The following GPC4 variants were observed in gnomAD, a reference collection of about 807,000 sequenced individuals.
GPC4 encodes glypican-4.
In GPC4, 10 loss-of-function variants were observed where a neutral mutation model predicts 35.0. The observed-to-expected ratio is 0.29, with a 90% confidence interval of 0.18 to 0.48. The LOEUF is 0.48. Among genes scored for constraint, GPC4 ranks in the 20% least tolerant of loss-of-function variants. The pLI is 0.99. For missense variants in GPC4, 322 were observed against 451.3 expected, an observed-to-expected ratio of 0.71 and a Z score of 2.60; for synonymous variants, 167 against 170.2, an observed-to-expected ratio of 0.98 and a Z score of 0.15.
chrX:133,301,153 G>T lies in GPC4; in HGVS notation c.*1714C>A. On this transcript the variant is annotated 3_prime_UTR_variant, in exon 9 of 9. Transcript: ENST00000370828. The stretch of plus-strand genomic sequence containing the variant: ...CATTTTGACCACTCTGCAGAATTTG[G>T]TGTAAAAAGTTGAATGAAATGTAGA... 8.9e-6 allele frequency: 1 copy of T among 112,346 alleles called. No homozygotes were observed. The highest frequency in any genetic ancestry group is 2.8e-4 in the East Asian group (1 of 3,596). 9.3% of individuals were successfully genotyped at this position (112,346 alleles called of 1,213,427 possible).
At chrX:133,414,745 T>G (rs758274286) in intron 1 of GPC4, 61 bp downstream of exon 1, 1 of 1,158,312 alleles carries the variant, frequency 8.6e-7, no homozygotes. Context: ...GGGAAGGGAG[T>G]TGCAGCCTCC....
intron 1 of GPC4, among the ~76,000 whole-genome samples, chrX:133,395,363 C>T (rs1257043952): frequency 2.7e-5 from 3 of 111,411 alleles, no homozygotes; most frequent in African/African-American, 9.8e-5. Flanking sequence ...TGGCTCACGC[C>T]TGTAATCTCA....
intron 4 of GPC4, among the ~76,000 whole-genome samples, chrX:133,307,286 C>A (rs2068294720): frequency 8.9e-6 from 1 of 111,934 alleles, no homozygotes; most frequent in African/African-American, 3.2e-5. Context: ...GAGCTTCTAT[C>A]TAAGCTTTCT....
intron 1 of GPC4, among the ~76,000 whole-genome samples, chrX:133,384,379 G>A (rs2068678422): frequency 9.0e-6 from 1 of 110,606 alleles, no homozygotes; most frequent in Non-Finnish European, 1.9e-5. Context: ...AAAAAAAGTT[G>A]TTTCCCCTGA....
rs766777711 is a variant in GPC4, at chrX:133,404,546, C to CAAAAAAAAAAAAAAAAAAAA, written c.160+10259_160+10260insTTTTTTTTTTTTTTTTTTTT. 8.0e-5 allele frequency among the ~76,000 whole-genome samples: 3 copies of CAAAAAAAAAAAAAAAAAAAA among 37,376 alleles called. 1 individual carries two copies. Among genetic ancestry groups the CAAAAAAAAAAAAAAAAAAAA allele is most frequent in the Non-Finnish European group, 8.3e-5 (2 of 24,241 alleles). 32.5% of individuals were successfully genotyped at this position (37,376 alleles called of 115,157 possible). Reference sequence around the variant, plus strand: ...TGGGCAATAGAGCAAGACTCTGCCTCAAAAAAAAAAAAAAAAAAAGAAGGT... The same window carrying CAAAAAAAAAAAAAAAAAAAA: ...TGGGCAATAGAGCAAGACTCTGCCTCAAAAAAAAAAAAAAAAAAAAAAAAAAAAAAAAAAAAAAAGAAGGT... On this transcript the variant is annotated intron_variant, in intron 1 of 8. Transcript: ENST00000370828.
At chrX:133,364,147 T>G (rs2068580545) in intron 1 of GPC4, among the ~76,000 whole-genome samples, 1 of 112,115 alleles carries the variant, frequency 8.9e-6, no homozygotes, top group African/African-American at 3.2e-5. Flanking sequence ...GCTACCAACA[T>G]GTCTATATTA....
rs747604482 is a variant in GPC4 at position 133,303,076 on chromosome X, TA to T, written c.1469-8del. The T allele has an allele frequency of 5.4e-5, 64 of 1,191,193 alleles. No individual in the cohort carries two copies. Among genetic ancestry groups the T allele is most frequent in the Non-Finnish European group, 6.5e-5 (57 of 881,913 alleles). On this transcript the variant is annotated splice_region_variant and splice_polypyrimidine_tract_variant and intron_variant, in intron 8 of 8. Transcript: ENST00000370828. ...TCTCCACTACTTTCATCACCTAGTT[TA>T]AAAAAAAATGGAATAGAAATTTCAT...
At chrX:133,334,615 T>G (rs754724979) in intron 2 of GPC4, among the ~76,000 whole-genome samples, 1 of 111,543 alleles carries the variant, frequency 9.0e-6, no homozygotes, top group African/African-American at 3.3e-5. Flanking sequence ...AAAAGGGTTT[T>G]AGAGAGCATC....
chrX:133,347,258 T>TG (rs2068496845), intron 1 of GPC4, among the ~76,000 whole-genome samples: 2 of 89,397 alleles, frequency 2.2e-5, no homozygotes, highest in South Asian at 5.5e-4. Context: ...GTTTTTTTTT[T>TG]TTTTTTTTTT....
At chrX:133,365,108 T>C (rs2068584454) in intron 1 of GPC4, among the ~76,000 whole-genome samples, 1 of 112,044 alleles carries the variant, frequency 8.9e-6, no homozygotes, top group Admixed American at 9.5e-5. Context: ...ATTACAGCTG[T>C]GGAATTTTAG....
At chrX:133,364,612 A>G (rs918982444) in intron 1 of GPC4, among the ~76,000 whole-genome samples, 7 of 112,619 alleles carry the variant, frequency 6.2e-5, no homozygotes, top group African/African-American at 2.3e-4. Flanking sequence ...TAGACAGGGC[A>G]TTCTGAACTT....
intron 1 of GPC4, among the ~76,000 whole-genome samples, chrX:133,404,978 G>A (rs556894489): frequency 4.5e-5 from 5 of 110,611 alleles, no homozygotes; most frequent in Non-Finnish European, 7.5e-5. Flanking sequence ...AAAGTGACAC[G>A]TAGATTGACT....
At chrX:133,325,299 A>T (rs2068387145) in intron 2 of GPC4, among the ~76,000 whole-genome samples, 1 of 110,122 alleles carries the variant, frequency 9.1e-6, no homozygotes, top group South Asian at 3.9e-4. Context: ...AGAGAGAGAG[A>T]CAGAGAGAGA....
chrX:133,316,502 C>T (rs1373057268), intron 3 of GPC4, among the ~76,000 whole-genome samples: 1 of 111,608 alleles, frequency 9.0e-6, no homozygotes, highest in Non-Finnish European at 1.9e-5. Context: ...ACAGTATCTC[C>T]ATGTACAATG....
intron 2 of GPC4, among the ~76,000 whole-genome samples, chrX:133,325,958 C>A (rs997671423): frequency 9.0e-6 from 1 of 110,909 alleles, no homozygotes; most frequent in African/African-American, 3.3e-5. Context: ...TTCCTTGAGG[C>A]CTGAGGATGA....
chrX:133,406,740 T>A (rs1171058906), intron 1 of GPC4, among the ~76,000 whole-genome samples: 1 of 68,884 alleles, frequency 1.5e-5, no homozygotes, highest in Admixed American at 1.7e-4. Flanking sequence ...AGAGCAAGAC[T>A]TCGTCTCAAA....
chrX:133,395,641 A>AT (rs1218046480), intron 1 of GPC4, among the ~76,000 whole-genome samples: 1 of 111,197 alleles, frequency 9.0e-6, no homozygotes, highest in Non-Finnish European at 1.9e-5. Context: ...AAAAAATGAA[A>AT]TTTTTTTTAA....
In GPC4 at chrX:133,333,822, T is replaced by C. The variant is rs1189305102; in HGVS notation, c.319+5361A>G. Among the ~76,000 whole-genome samples the C allele has an allele frequency of 2.7e-5, 3 of 112,749 alleles. No individual in the cohort carries two copies. In the Admixed American group the frequency reaches 2.8e-4, roughly 11 times the overall value. On this transcript the variant is annotated intron_variant, in intron 2 of 8. Coordinates refer to ENST00000370828, the MANE Select transcript of GPC4 (RefSeq NM_001448.3). ...GCAGAGGTTTTAGAAAGCAATGATT[T>C]TTTTAATGTCTTAATGAAATGTGAG...
chrX:133,385,042 G>A (rs1157325370), intron 1 of GPC4, among the ~76,000 whole-genome samples: 1 of 111,936 alleles, frequency 8.9e-6, no homozygotes, highest in Non-Finnish European at 1.9e-5. Context: ...TCTTAATACA[G>A]GTAACTAACT....
Sources: allele counts gnomAD v4.1 joint callset (sites outside exome capture counted in the v4.1 genomes callset), GRCh38; gene constraint gnomAD v4.1.1; transcripts MANE v1.5; gene names NCBI Gene and HGNC (gene_info 2026-07-23, HGNC 2026-07-21).